The following ACSS3 variants were observed in gnomAD, a reference collection of about 807,000 sequenced individuals.
ACSS3 encodes the protein acyl-CoA synthetase short chain family member 3.
A neutral mutation model predicts 84.2 loss-of-function variants in ACSS3; 64 were observed. That is an observed-to-expected ratio of 0.76 (90% CI 0.62 to 0.94). ACSS3 has a LOEUF of 0.94. ACSS3 is among the 40% of genes least tolerant of loss of function. The probability of loss-of-function intolerance (pLI) is 0.00; values close to 1 mark genes in which losing one functional copy is unlikely to be tolerated. For synonymous variants in ACSS3, 317 were observed against 310.1 expected, an observed-to-expected ratio of 1.02 and a Z score of -0.23; for missense variants, 815 against 867.6, an observed-to-expected ratio of 0.94 and a Z score of 0.76.
chr12:81,214,826 A>G (rs2032843415), intron 9 of ACSS3, among the ~76,000 whole-genome samples: 1 of 152,204 alleles, frequency 6.6e-6, no homozygotes, highest in Admixed American at 6.5e-5. Context: ...GTGTGTCCCT[A>G]TTGACAAACT....
At chr12:81,185,097 A>G (rs2031174968) in intron 8 of ACSS3, among the ~76,000 whole-genome samples, 1 of 151,856 alleles carries the variant, frequency 6.6e-6, no homozygotes, top group African/African-American at 2.4e-5. Context: ...TCAGTGTGAT[A>G]CATCACATTA....
rs2136047473 is a variant in ACSS3 at position 81,259,398 on chromosome 12, T to A, written c.*4476T>A. ...ATTACAATAAAACATGAAAAACAAC[T>A]GGCTTCATTTCATAAAAGCATCTGT... On this transcript the variant is annotated 3_prime_UTR_variant, in exon 16 of 16. Coordinates refer to ENST00000548058, the MANE Select transcript of ACSS3 (RefSeq NM_024560.4). 1.6e-6 allele frequency: 1 copy of A among 643,056 alleles called. No homozygotes were observed. The highest frequency in any genetic ancestry group is 1.8e-5 in the African/African-American group (1 of 55,162). 39.8% of individuals were successfully genotyped at this position (643,056 alleles called of 1,614,324 possible).
intron 7 of ACSS3, among the ~76,000 whole-genome samples, chr12:81,170,080 A>G (rs2029920658): frequency 6.6e-6 from 1 of 152,184 alleles, no homozygotes; most frequent in African/African-American, 2.4e-5. Flanking sequence ...CTTAACCTCA[A>G]GACCTGAAGA....
intron 1 of ACSS3, among the ~76,000 whole-genome samples, chr12:81,101,751 GA>G (rs1882527217): frequency 6.6e-6 from 1 of 152,014 alleles, no homozygotes; most frequent in Admixed American, 6.6e-5. Flanking sequence ...AACTATGTAT[GA>G]TTTTTTTAAT....
chr12:81,203,652 T>A (rs1212681254), intron 9 of ACSS3, among the ~76,000 whole-genome samples: 1 of 152,196 alleles, frequency 6.6e-6, no homozygotes, highest in Non-Finnish European at 1.5e-5. Flanking sequence ...GAATTGTTGT[T>A]GTTCACCACC....
Position 81,259,483 on chromosome 12 carries a change from C to A in ACSS3, c.*4561C>A. 1.4e-6 allele frequency: 1 copy of A among 705,690 alleles called. No individual in the cohort carries two copies. Among genetic ancestry groups the A allele is most frequent in the South Asian group, 1.7e-5 (1 of 60,534 alleles). 43.7% of individuals were successfully genotyped at this position (705,690 alleles called of 1,614,324 possible). A position where few individuals can be genotyped will look rare whatever the true frequency, so the allele number is the denominator to read the frequency against. ...TTCAAATGACTTAAGCATTTTATTA[C>A]AATTTGTAGTAAACTAATCAAATGT... On this transcript the variant is annotated 3_prime_UTR_variant, in exon 16 of 16. Transcript: ENST00000548058.
chr12:81,218,949 G>A (rs944000297), intron 10 of ACSS3, among the ~76,000 whole-genome samples: 4 of 151,680 alleles, frequency 2.6e-5, no homozygotes, highest in Non-Finnish European at 4.4e-5. Context: ...AAAAAAAAAC[G>A]CAGGATCCTT....
chr12:81,221,019 T>C (rs1172802054), intron 11 of ACSS3, among the ~76,000 whole-genome samples: 2 of 152,122 alleles, frequency 1.3e-5, no homozygotes, highest in African/African-American at 4.8e-5. Context: ...TTAGCAAATA[T>C]CCCATCTTCT....
intron 13 of ACSS3, among the ~76,000 whole-genome samples, chr12:81,241,830 C>G (rs1457164115): frequency 6.6e-6 from 1 of 152,102 alleles, no homozygotes; most frequent in Non-Finnish European, 1.5e-5. Context: ...TGCAGAAGCT[C>G]TTTAGTTTAA....
chr12:81,149,981 T>C (rs899435028), intron 5 of ACSS3, among the ~76,000 whole-genome samples: 2 of 152,182 alleles, frequency 1.3e-5, no homozygotes, highest in Admixed American at 6.5e-5. Flanking sequence ...CAAAGTGACA[T>C]TGGTAAATGT....
chr12:81,109,639 A>G lies in ACSS3; in HGVS notation c.391A>G (p.Ile131Val), dbSNP rs750597914. ...IENGKGDKIA[I>V]IYDSPVTNTK... ...AAATGGTAAAGGGGATAAGATTGCT[A>G]TCATCTATGACAGTCCTGTTACAAA... The change falls in exon 2 of 16, where the codon ATC (isoleucine) becomes GTC (valine). Residue 131 changes from isoleucine (I) to valine (V), a missense_variant. By Grantham distance (29) the Ile-to-Val change is conservative. Transcript: ENST00000548058. 6.2e-7 allele frequency: 1 copy of G among 1,612,904 alleles called. No homozygotes were observed. The highest frequency in any genetic ancestry group is 1.3e-5 in the African/African-American group (1 of 75,016).
At chr12:81,092,003 T>G (rs1881698591) in intron 1 of ACSS3, among the ~76,000 whole-genome samples, 1 of 152,096 alleles carries the variant, frequency 6.6e-6, no homozygotes, top group South Asian at 2.1e-4. Context: ...AGTTTCTCAT[T>G]GTGTCACGTT....
chr12:81,159,341 A>C (rs1024945005), intron 7 of ACSS3, among the ~76,000 whole-genome samples: 6 of 152,198 alleles, frequency 3.9e-5, no homozygotes, highest in South Asian at 2.1e-4. Flanking sequence ...AAATATGCCC[A>C]AAACCAGGAA....
intron 8 of ACSS3, among the ~76,000 whole-genome samples, chr12:81,193,968 C>A (rs1468971288): frequency 2.6e-5 from 4 of 151,758 alleles, no homozygotes; most frequent in East Asian, 1.9e-4. Flanking sequence ...TATATTTACA[C>A]AAAATATATT....
chr12:81,083,948 ACT>A (rs1881156663), intron 1 of ACSS3, among the ~76,000 whole-genome samples: 1 of 151,888 alleles, frequency 6.6e-6, no homozygotes, highest in Admixed American at 6.6e-5. Flanking sequence ...ACAGAGTGAG[ACT>A]CTGTCTCAAA....
intron 5 of ACSS3, among the ~76,000 whole-genome samples, chr12:81,150,981 C>G (rs1320256566): frequency 2.0e-5 from 3 of 152,134 alleles, no homozygotes; most frequent in Admixed American, 2.0e-4. Context: ...CAGGTGTTCA[C>G]CTACTCATTC....
At chr12:81,147,342 G>A (rs575653111) in intron 5 of ACSS3, among the ~76,000 whole-genome samples, 3 of 152,228 alleles carry the variant, frequency 2.0e-5, no homozygotes, top group South Asian at 4.2e-4. Flanking sequence ...TTGTTCACAC[G>A]GGTTTATACA....
intron 2 of ACSS3, among the ~76,000 whole-genome samples, chr12:81,119,754 TC>T (rs1196057939): frequency 6.6e-6 from 1 of 152,172 alleles, no homozygotes; most frequent in African/African-American, 2.4e-5. Flanking sequence ...GTTATTCTGT[TC>T]TTTTTCAAGG....
chr12:81,118,361 C>T, intron 2 of ACSS3, among the ~76,000 whole-genome samples: 1 of 152,256 alleles, frequency 6.6e-6, no homozygotes, highest in Non-Finnish European at 1.5e-5. Flanking sequence ...TAGCTCATTG[C>T]CTTCATCTGC....
Sources: gnomAD v4.1 joint callset for allele counts (sites outside exome capture counted in the v4.1 genomes callset) on GRCh38, gnomAD v4.1.1 for gene constraint, MANE v1.5 for transcripts, NCBI Gene and HGNC (gene_info 2026-07-23, HGNC 2026-07-21) for gene names.